YEATS2: variants seen among roughly 807,000 people sequenced by gnomAD.
The protein encoded by YEATS2 is YEATS domain-containing protein 2.
In YEATS2, 77 loss-of-function variants were observed where a neutral mutation model predicts 163.2. The ratio of observed to expected loss-of-function variants is 0.47; its 90% CI spans 0.39 to 0.57. The LOEUF (loss-of-function observed/expected upper bound fraction) is 0.57, where lower values mean the gene tolerates loss of function less well. YEATS2 is among the 20% of genes least tolerant of loss of function. The probability of loss-of-function intolerance (pLI) is 0.00; values close to 1 mark genes in which losing one functional copy is unlikely to be tolerated. For synonymous variants in YEATS2, 631 were observed against 645.1 expected, an observed-to-expected ratio of 0.98 and a Z score of 0.33; for missense variants, 1,549 against 1,729.8, an observed-to-expected ratio of 0.90 and a Z score of 1.85.
At chr3:183,804,768 A>C (rs899849168) in intron 27 of YEATS2, among the ~76,000 whole-genome samples, 4 of 150,760 alleles carry the variant, frequency 2.7e-5, no homozygotes, top group Non-Finnish European at 5.9e-5. Context: ...CGGGTGGATC[A>C]TGAGGTCAGG....
intron 20 of YEATS2, among the ~76,000 whole-genome samples, chr3:183,788,239 CT>C (rs1313417748): frequency 1.3e-5 from 2 of 151,900 alleles, no homozygotes; most frequent in African/African-American, 4.8e-5. Flanking sequence ...AATACTAGAT[CT>C]TACTCATCCC....
chr3:183,711,815 T>G (rs565051129), intron 1 of YEATS2, among the ~76,000 whole-genome samples: 11 of 87,326 alleles, frequency 1.3e-4, no homozygotes, highest in Admixed American at 8.3e-4. Flanking sequence ...AAATAGTGTG[T>G]TTTTTTTTTT....
At chr3:183,808,238 T>C (rs1373209791) in intron 29 of YEATS2, 134 bp downstream of exon 29, 3 of 703,702 alleles carry the variant, frequency 4.3e-6, no homozygotes, top group Non-Finnish European at 6.8e-6. Context: ...TTAAGTTCTC[T>C]CTTTTTGTTT....
Position 183,772,291 on chromosome 3 carries a change from T to A in YEATS2, c.1948-14T>A. 1.2e-6 allele frequency: 2 copies of A among 1,613,226 alleles called. No homozygotes were observed. On this transcript the variant is annotated splice_polypyrimidine_tract_variant and intron_variant, in intron 15 of 30. Transcript: ENST00000305135. ...CTCTCGAAGCACCGTTGGACTCTGC[T>A]CTGTTTTGAACAGGTTGTCGGGGTA...
intron 15 of YEATS2, among the ~76,000 whole-genome samples, chr3:183,771,806 A>G (rs1430893830): frequency 6.8e-6 from 1 of 148,106 alleles, no homozygotes; most frequent in Non-Finnish European, 1.5e-5. Flanking sequence ...GGCTCACTGC[A>G]ACCTCCACAT....
At chr3:183,724,046 G>A (rs1716809762) in intron 5 of YEATS2, among the ~76,000 whole-genome samples, 1 of 152,090 alleles carries the variant, frequency 6.6e-6, no homozygotes, top group Admixed American at 6.6e-5. Flanking sequence ...TCATTGAACA[G>A]TTTTGAATAT....
At position 183,725,432 on chromosome 3, in the gene YEATS2, T is replaced by C. The variant is rs549616937; in HGVS notation, c.650+901T>C. Among the ~76,000 whole-genome samples, 17 of 152,310 alleles carry C rather than the reference T, an allele frequency of 1.1e-4. No homozygotes were observed. The South Asian group carries it at 3.5e-3, about 32-fold the overall frequency. On this transcript the variant is annotated intron_variant, in intron 6 of 30. Transcript: ENST00000305135. ...TTAGTCTGTTTTCACACTGCTAATA[T>C]AGACATACTCGAGACTGGGTAATTT...
At chr3:183,775,459 G>A (rs563271559) in intron 17 of YEATS2, among the ~76,000 whole-genome samples, 1 of 152,192 alleles carries the variant, frequency 6.6e-6, no homozygotes, top group Admixed American at 6.5e-5. Flanking sequence ...GCTGGGCATG[G>A]TGGCACACGC....
At chr3:183,771,502 T>C (rs1439670375) in intron 15 of YEATS2, among the ~76,000 whole-genome samples, 1 of 148,468 alleles carries the variant, frequency 6.7e-6, no homozygotes, top group African/African-American at 2.5e-5. Context: ...ATTTGGGTAC[T>C]GGGGTCTTTT....
intron 27 of YEATS2, 58 bp from the exon 28 acceptor site, chr3:183,806,808 G>A (rs1726252407): frequency 4.4e-6 from 7 of 1,585,432 alleles, no homozygotes; most frequent in Admixed American, 3.4e-5. Flanking sequence ...TCTTGGAGAC[G>A]GAAAGTCCTC....
At chr3:183,777,118 T>C (rs561018449) in intron 18 of YEATS2, among the ~76,000 whole-genome samples, 2 of 152,206 alleles carry the variant, frequency 1.3e-5, no homozygotes, top group East Asian at 3.9e-4. Context: ...TGGTATCAAG[T>C]TGTAATATTT....
intron 10 of YEATS2, 60 bp downstream of exon 10, chr3:183,752,313 C>G: frequency 1.3e-6 from 2 of 1,587,584 alleles, no homozygotes; most frequent in Middle Eastern, 1.7e-4. Context: ...CCATTTGCTG[C>G]TTTCAGAGAC....
chr3:183,722,941 C>T lies in YEATS2; in HGVS notation c.537+805C>T, dbSNP rs575254216. On this transcript the variant is annotated intron_variant, in intron 5 of 30. Coordinates refer to ENST00000305135, the MANE Select transcript of YEATS2 (RefSeq NM_018023.5). ...TGCTGGGATTACAGGCGTGAGCCAC[C>T]GCGCCCGACTTAAACCTGAGTGTTT... Among the ~76,000 whole-genome samples the T allele has an allele frequency of 1.7e-4, 26 of 152,170 alleles. No individual in the cohort carries two copies. The South Asian group carries it at 5.2e-3, about 30-fold the overall frequency.
chr3:183,751,117 T>G (rs1245671063), intron 9 of YEATS2, among the ~76,000 whole-genome samples: 1 of 152,206 alleles, frequency 6.6e-6, no homozygotes, highest in Non-Finnish European at 1.5e-5. Flanking sequence ...GAGTTAATTT[T>G]GGTATATAGT....
At chr3:183,699,018 G>T (rs977946594) in intron 1 of YEATS2, among the ~76,000 whole-genome samples, 3 of 152,144 alleles carry the variant, frequency 2.0e-5, no homozygotes, top group East Asian at 3.9e-4. Context: ...TTGAGAAGGC[G>T]AGTAGCATGA....
At chr3:183,725,722 C>T (rs1042113936) in intron 6 of YEATS2, among the ~76,000 whole-genome samples, 3 of 152,204 alleles carry the variant, frequency 2.0e-5, no homozygotes, top group African/African-American at 7.2e-5. Context: ...CTGCAAGCTA[C>T]AATTGAAGAT....
chr3:183,779,957 A>G (rs892632680), intron 19 of YEATS2, among the ~76,000 whole-genome samples: 10 of 149,428 alleles, frequency 6.7e-5, no homozygotes, highest in Middle Eastern at 7.1e-3. Context: ...CGGCCTCCCA[A>G]TGAACTGAGA....
intron 9 of YEATS2, 116 bp downstream of exon 9, chr3:183,747,832 T>A: frequency 1.2e-6 from 1 of 863,728 alleles, no homozygotes; most frequent in Non-Finnish European, 1.8e-6. Context: ...CAGGCTGGAG[T>A]GCAGTGGCAT....
chr3:183,762,184 G>A lies in YEATS2; in HGVS notation c.1852G>A (p.Val618Met). The change falls in exon 15 of 31, where the codon GTG becomes ATG. Residue 618 changes from valine (V) to methionine (M), a missense_variant. Val to Met is a conservative substitution (Grantham distance 21). Coordinates refer to ENST00000305135, the MANE Select transcript of YEATS2 (RefSeq NM_018023.5). ...GTCACCACTCCCGCAGTATGTGACT[G>A]TGAAAGGGGGTCACATGATAGCTGT... ...SQSPLPQYVTVKGGHMIAVSP... is the reference protein window; with the variant it reads ...SQSPLPQYVTMKGGHMIAVSP... 1 of 1,614,190 alleles carries A rather than the reference G, an allele frequency of 6.2e-7. No homozygotes were observed. Among genetic ancestry groups the A allele is most frequent in the East Asian group, 2.2e-5 (1 of 44,888 alleles).
Sources: allele counts gnomAD v4.1 joint callset (sites outside exome capture counted in the v4.1 genomes callset), GRCh38; gene constraint gnomAD v4.1.1; transcripts MANE v1.5; gene names NCBI Gene and HGNC (gene_info 2026-07-23, HGNC 2026-07-21).